KCNH7: variants seen among roughly 807,000 people sequenced by gnomAD.
KCNH7 encodes the protein potassium voltage-gated channel subfamily H member 7, also known as voltage-gated inwardly rectifying potassium channel KCNH7.
A neutral mutation model predicts 120.8 loss-of-function variants in KCNH7; 49 were observed. The ratio of observed to expected loss-of-function variants is 0.41; its 90% CI spans 0.32 to 0.51. KCNH7 has a LOEUF of 0.51. KCNH7 is among the 20% of genes least tolerant of loss of function. The pLI is 0.38. For synonymous variants in KCNH7, 547 were observed against 516.1 expected (o/e 1.06, Z -0.81); for missense variants, 1,097 against 1,446.6 (o/e 0.76, Z 3.92).
intron 2 of KCNH7, chr2:162,796,228 C>T (rs1162937886): frequency 6.6e-6 from 1 of 151,932 alleles, no homozygotes; most frequent in African/African-American, 2.4e-5. Flanking sequence ...TTCTATAGAC[C>T]TCATTTTTCT....
intron 2 of KCNH7, among the ~76,000 whole-genome samples, chr2:162,781,350 G>A (rs1282481870): frequency 6.6e-6 from 1 of 151,926 alleles, no homozygotes; most frequent in Admixed American, 6.6e-5. Context: ...TCAGGCTGCA[G>A]TAAGCAATAA....
intron 6 of KCNH7, among the ~76,000 whole-genome samples, chr2:162,455,110 C>G (rs574621636): frequency 4.6e-5 from 7 of 152,126 alleles, no homozygotes; most frequent in African/African-American, 1.7e-4. Context: ...GAGATATGTT[C>G]CATCAATGTC....
intron 2 of KCNH7, among the ~76,000 whole-genome samples, chr2:162,625,489 A>T (rs79095119): frequency 2.0e-5 from 3 of 152,232 alleles, no homozygotes; most frequent in Admixed American, 6.5e-5. Flanking sequence ...CTAGCAGGGG[A>T]GGAAGCATTT....
At chr2:162,456,264 C>T (rs1688959615) in intron 6 of KCNH7, among the ~76,000 whole-genome samples, 3 of 151,902 alleles carry the variant, frequency 2.0e-5, no homozygotes, top group Admixed American at 1.3e-4. Flanking sequence ...ATTTCTTAAT[C>T]CTGAGTTCTA....
At chr2:162,556,139 C>A (rs1692848299) in intron 2 of KCNH7, among the ~76,000 whole-genome samples, 1 of 151,978 alleles carries the variant, frequency 6.6e-6, no homozygotes, top group African/African-American at 2.4e-5. Flanking sequence ...ATATATGACA[C>A]ACACACATAT....
intron 2 of KCNH7, among the ~76,000 whole-genome samples, chr2:162,573,042 TATA>T (rs556748041): frequency 7.2e-5 from 11 of 151,968 alleles, no homozygotes; most frequent in Admixed American, 1.3e-4. Context: ...AAACTTAAAG[TATA>T]ATAATAACAC....
At chr2:162,451,463 T>C (rs1340261653) in intron 6 of KCNH7, among the ~76,000 whole-genome samples, 2 of 152,044 alleles carry the variant, frequency 1.3e-5, no homozygotes, top group African/African-American at 4.8e-5. Context: ...TGACCTAAAG[T>C]AGTCATTTTG....
chr2:162,737,808 T>C (rs535237045), intron 2 of KCNH7, among the ~76,000 whole-genome samples: 2 of 152,080 alleles, frequency 1.3e-5, no homozygotes, highest in Non-Finnish European at 2.9e-5. Context: ...CTCACGCCTG[T>C]AATCCCAGCA....
chr2:162,444,942 A>T (rs1265395476), intron 7 of KCNH7, among the ~76,000 whole-genome samples: 2 of 151,608 alleles, frequency 1.3e-5, no homozygotes, highest in African/African-American at 4.8e-5. Context: ...GCAAGAGGAG[A>T]AGGTAATATT....
At chr2:162,446,748 GA>G (rs1156794615) in intron 6 of KCNH7, among the ~76,000 whole-genome samples, 1 of 152,058 alleles carries the variant, frequency 6.6e-6, no homozygotes, top group Non-Finnish European at 1.5e-5. Flanking sequence ...GTACATCTCA[GA>G]TGTAAAAATA....
At chr2:162,419,534 G>T (rs1307832413) in intron 9 of KCNH7, among the ~76,000 whole-genome samples, 1 of 152,130 alleles carries the variant, frequency 6.6e-6, no homozygotes, top group Non-Finnish European at 1.5e-5. Context: ...GGCAGACTGA[G>T]AGTTAGTTTT....
At chr2:162,483,632 T>C (rs1690000782) in intron 6 of KCNH7, among the ~76,000 whole-genome samples, 1 of 152,104 alleles carries the variant, frequency 6.6e-6, no homozygotes, top group Admixed American at 6.6e-5. Context: ...TAGCATCAGA[T>C]TCTTTTTTGC....
intron 1 of KCNH7, 107 bp downstream of exon 1, chr2:162,838,336 G>T (rs1329614625): frequency 2.3e-6 from 2 of 868,382 alleles, no homozygotes; most frequent in Non-Finnish European, 3.8e-6. Flanking sequence ...AGCCTCTTAA[G>T]TTGACAGAGC....
At chr2:162,526,485 G>A (rs539633980) in intron 3 of KCNH7, among the ~76,000 whole-genome samples, 86 of 151,586 alleles carry the variant, frequency 5.7e-4, no homozygotes, top group African/African-American at 1.8e-3. Context: ...AAAAGACGCC[G>A]CCCCCCCGAA....
At chr2:162,438,207 A>C (rs1688313343) in intron 7 of KCNH7, among the ~76,000 whole-genome samples, 1 of 152,174 alleles carries the variant, frequency 6.6e-6, no homozygotes, top group African/African-American at 2.4e-5. Flanking sequence ...TGTGATAATA[A>C]GTACTAATGA....
chr2:162,743,893 T>C (rs1688223952), intron 2 of KCNH7, among the ~76,000 whole-genome samples: 2 of 152,100 alleles, frequency 1.3e-5, no homozygotes, highest in Non-Finnish European at 2.9e-5. Flanking sequence ...TCATATATAA[T>C]ACTAGTGGGT....
intron 2 of KCNH7, among the ~76,000 whole-genome samples, chr2:162,714,994 T>C (rs1687061674): frequency 2.0e-5 from 3 of 152,268 alleles, no homozygotes; most frequent in African/African-American, 7.2e-5. Flanking sequence ...GAGAATATCA[T>C]GCTAATATGA....
At chr2:162,679,296 C>A (rs1455040381) in intron 2 of KCNH7, among the ~76,000 whole-genome samples, 1 of 151,504 alleles carries the variant, frequency 6.6e-6, no homozygotes, top group Admixed American at 6.6e-5. Context: ...GAGAACTGTT[C>A]AACAATTTTA....
At chr2:162,805,238 C>T (rs1684498712) in intron 2 of KCNH7, among the ~76,000 whole-genome samples, 1 of 151,844 alleles carries the variant, frequency 6.6e-6, no homozygotes, top group Non-Finnish European at 1.5e-5. Context: ...ATAAATGGTA[C>T]CTAATTAAAC....
Sources: allele counts gnomAD v4.1 joint callset (sites outside exome capture counted in the v4.1 genomes callset), GRCh38; gene constraint gnomAD v4.1.1; transcripts MANE v1.5; gene names NCBI Gene and HGNC (gene_info 2026-07-23, HGNC 2026-07-21).